Variants in NLGN1 observed in about 807,000 individuals in gnomAD.
NLGN1 encodes the protein neuroligin-1.
A neutral mutation model predicts 65.5 loss-of-function variants in NLGN1; 12 were observed. That is an observed-to-expected ratio of 0.18 (90% CI 0.12 to 0.30). The LOEUF is 0.30. NLGN1 is among the 10% of genes least tolerant of loss of function. NLGN1 has a pLI of 1.00. For synonymous variants in NLGN1, 350 were observed against 359.5 expected (o/e 0.97, Z 0.30); for missense variants, 750 against 1,007.1 (o/e 0.74, Z 3.46).
intron 1 of NLGN1, among the ~76,000 whole-genome samples, chr3:173,411,252 C>T (rs1461636447): frequency 2.0e-5 from 3 of 152,160 alleles, no homozygotes; most frequent in Non-Finnish European, 4.4e-5. Flanking sequence ...TCAGATCATT[C>T]CCTTACGGAG....
At chr3:173,439,827 A>T (rs978748745) in intron 2 of NLGN1, among the ~76,000 whole-genome samples, 1 of 152,232 alleles carries the variant, frequency 6.6e-6, no homozygotes, top group Admixed American at 6.5e-5. Context: ...TCTTGCCTTG[A>T]TGTTTATGGC....
intron 3 of NLGN1, among the ~76,000 whole-genome samples, chr3:173,701,128 T>TG (rs1264797204): frequency 6.6e-6 from 1 of 151,924 alleles, no homozygotes; most frequent in Non-Finnish European, 1.5e-5. Context: ...GACTCCGTCT[T>TG]GAAAAAAAAG....
At chr3:173,859,164 A>C (rs1478932036) in intron 4 of NLGN1, among the ~76,000 whole-genome samples, 2 of 152,168 alleles carry the variant, frequency 1.3e-5, no homozygotes, top group East Asian at 3.8e-4. Context: ...AAAATAAAGG[A>C]AGTCTTCCCA....
intron 3 of NLGN1, among the ~76,000 whole-genome samples, chr3:173,797,693 C>CAAAAAAAAAAAAAAAAAA (rs1312419518): frequency 1.8e-5 from 1 of 56,458 alleles, no homozygotes; most frequent in African/African-American, 5.3e-5. Flanking sequence ...ACAACAACAA[C>CAAAAAAAAAAAAAAAAAA]AACAACAAAA....
intron 4 of NLGN1, among the ~76,000 whole-genome samples, chr3:173,983,843 T>G (rs1364542709): frequency 6.6e-6 from 1 of 152,208 alleles, no homozygotes; most frequent in Non-Finnish European, 1.5e-5. Flanking sequence ...TTTTTAATGT[T>G]TAGTGTCTGT....
chr3:173,560,684 G>A (rs577062163), intron 2 of NLGN1, among the ~76,000 whole-genome samples: 23 of 152,068 alleles, frequency 1.5e-4, no homozygotes, highest in African/African-American at 5.1e-4. Context: ...AGTTAGTTCC[G>A]TTTACCCCAA....
At chr3:174,157,328 C>T (rs1215485223) in intron 4 of NLGN1, among the ~76,000 whole-genome samples, 3 of 151,646 alleles carry the variant, frequency 2.0e-5, no homozygotes, top group Middle Eastern at 6.9e-3. Flanking sequence ...CTCATCATTG[C>T]GTATTAGCAT....
At chr3:173,671,979 C>T (rs2088568) in intron 3 of NLGN1, among the ~76,000 whole-genome samples, 77,441 of 151,356 alleles carry the variant, frequency 0.51, 21,228 homozygotes, top group East Asian at 0.72. Flanking sequence ...TCGAGACCAT[C>T]CTGGCTAATA....
chr3:173,819,459 T>C (rs147421093), intron 4 of NLGN1, among the ~76,000 whole-genome samples: 1 of 152,326 alleles, frequency 6.6e-6, no homozygotes, highest in African/African-American at 2.4e-5. Context: ...TTGTCAAACT[T>C]TACCTTCTAT....
At chr3:174,076,973 G>A (rs1382083019) in intron 4 of NLGN1, among the ~76,000 whole-genome samples, 12 of 152,022 alleles carry the variant, frequency 7.9e-5, no homozygotes, top group African/African-American at 2.9e-4. Context: ...CCTATCCAAA[G>A]CAGCTCCAAG....
chr3:173,535,656 A>C (rs1433710009), intron 2 of NLGN1, among the ~76,000 whole-genome samples: 2 of 152,180 alleles, frequency 1.3e-5, no homozygotes, highest in African/African-American at 4.8e-5. Context: ...TGACCATAAG[A>C]TGTTGACTCA....
intron 4 of NLGN1, among the ~76,000 whole-genome samples, chr3:173,973,460 G>T (rs967440699): frequency 1.3e-5 from 2 of 152,098 alleles, no homozygotes; most frequent in African/African-American, 4.8e-5. Flanking sequence ...AAAGTAATGT[G>T]TGCAGGGAAA....
chr3:174,074,066 A>G (rs1287008714), intron 4 of NLGN1, among the ~76,000 whole-genome samples: 1 of 152,150 alleles, frequency 6.6e-6, no homozygotes, highest in Non-Finnish European at 1.5e-5. Flanking sequence ...GTGTCAGTGC[A>G]CTGAAAAGCT....
chr3:174,082,605 A>G (rs1742462545), intron 4 of NLGN1, among the ~76,000 whole-genome samples: 1 of 151,948 alleles, frequency 6.6e-6, no homozygotes, highest in African/African-American at 2.4e-5. Context: ...AAAAGAATAT[A>G]TACAATATCT....
intron 3 of NLGN1, among the ~76,000 whole-genome samples, chr3:173,692,681 C>G (rs1765646399): frequency 6.6e-6 from 1 of 151,986 alleles, no homozygotes; most frequent in Non-Finnish European, 1.5e-5. Context: ...CTACAGAACC[C>G]TGAAGGCAAA....
intron 3 of NLGN1, among the ~76,000 whole-genome samples, chr3:173,765,513 A>T (rs1047201348): frequency 4.6e-5 from 7 of 152,092 alleles, no homozygotes; most frequent in African/African-American, 1.7e-4. Flanking sequence ...TGAAATTTCA[A>T]TTTTTCCTCT....
chr3:173,511,848 G>A (rs535921154), intron 2 of NLGN1, among the ~76,000 whole-genome samples: 1 of 152,012 alleles, frequency 6.6e-6, no homozygotes, highest in East Asian at 1.9e-4. Context: ...TTTTCAAGTT[G>A]CCTACTTTTT....
At chr3:174,030,147 CAG>C (rs1729677833) in intron 4 of NLGN1, among the ~76,000 whole-genome samples, 1 of 115,504 alleles carries the variant, frequency 8.7e-6, no homozygotes. Context: ...TTTTTTGAGA[CAG>C]AGTTTTGCTC....
At chr3:174,267,004 C>A (rs1748382016) in intron 4 of NLGN1, among the ~76,000 whole-genome samples, 1 of 152,028 alleles carries the variant, frequency 6.6e-6, no homozygotes, top group Non-Finnish European at 1.5e-5. Flanking sequence ...CCCCTGCATA[C>A]TAAAAACATT....
Sources: gnomAD v4.1 joint callset for allele counts (sites outside exome capture counted in the v4.1 genomes callset) on GRCh38, gnomAD v4.1.1 for gene constraint, MANE v1.5 for transcripts, NCBI Gene and HGNC (gene_info 2026-07-23, HGNC 2026-07-21) for gene names.